HPF1: variants seen among roughly 807,000 people sequenced by gnomAD.
HPF1 encodes UPF0609 protein C4orf27.
Under a neutral mutation model 38.8 loss-of-function variants are expected in HPF1, and 35 were observed. The ratio of observed to expected loss-of-function variants is 0.90; its 90% CI spans 0.69 to 1.19. The LOEUF is 1.19. Among genes scored for constraint, HPF1 ranks in the 50% most tolerant of loss-of-function variants. The probability of loss-of-function intolerance (pLI) is 0.00; values close to 1 mark genes in which losing one functional copy is unlikely to be tolerated. For synonymous variants in HPF1, 115 were observed against 139.2 expected (o/e 0.83, Z 1.22); for missense variants, 367 against 405.8 (o/e 0.90, Z 0.82).
intron 1 of HPF1, among the ~76,000 whole-genome samples, chr4:169,754,553 T>G (rs948550734): frequency 1.3e-5 from 2 of 152,174 alleles, no homozygotes; most frequent in African/African-American, 4.8e-5. Context: ...TACTAGATAT[T>G]TGATAAATTT....
At chr4:169,732,341 A>G (rs1209743161) in intron 6 of HPF1, among the ~76,000 whole-genome samples, 1 of 151,978 alleles carries the variant, frequency 6.6e-6, no homozygotes, top group East Asian at 1.9e-4. Context: ...GGATTTCACC[A>G]TGTTGGCCAG....
At chr4:169,732,133 C>T in intron 6 of HPF1, 1 of 273,888 alleles carries the variant, frequency 3.7e-6, no homozygotes, top group Non-Finnish European at 6.5e-6. Context: ...TAGTTACAGT[C>T]ACGATTTTTT....
chr4:169,746,686 A>G (rs1214944123), intron 4 of HPF1, among the ~76,000 whole-genome samples: 3 of 152,078 alleles, frequency 2.0e-5, no homozygotes, highest in Non-Finnish European at 4.4e-5. Flanking sequence ...TAAAATATAT[A>G]AAGAAATTAA....
At chr4:169,740,906 ACT>A (rs1733961194) in intron 5 of HPF1, among the ~76,000 whole-genome samples, 1 of 152,246 alleles carries the variant, frequency 6.6e-6, no homozygotes, top group Non-Finnish European at 1.5e-5. Context: ...GGATGCTCAG[ACT>A]TTAGTCAAAA....
At chr4:169,747,003 A>AC (rs1297867633) in intron 4 of HPF1, among the ~76,000 whole-genome samples, 5 of 150,756 alleles carry the variant, frequency 3.3e-5, no homozygotes, top group Admixed American at 1.3e-4. Flanking sequence ...AAAAAAAAAA[A>AC]AAAACATGAC....
chr4:169,745,704 T>C (rs918338045), intron 4 of HPF1, among the ~76,000 whole-genome samples: 12 of 152,210 alleles, frequency 7.9e-5, no homozygotes, highest in African/African-American at 2.9e-4. Flanking sequence ...GGTCTTGCTA[T>C]GTCGTTTAGG....
In HPF1 at chr4:169,729,523, C is replaced by A; in HGVS notation, c.*55G>T. 1 of 1,306,300 alleles carries A rather than the reference C, an allele frequency of 7.7e-7. No homozygotes were observed. Among genetic ancestry groups the A allele is most frequent in the Non-Finnish European group, 9.9e-7 (1 of 1,005,104 alleles). 80.9% of individuals were successfully genotyped at this position (1,306,300 alleles called of 1,614,324 possible). A position where few individuals can be genotyped will look rare whatever the true frequency, so the allele number is the denominator to read the frequency against. Reference sequence around the variant, plus strand: ...TATTCCTTAAAAACAAAACAAAAATCACAAGTTTAATACTAGTCCTTTGAA... The same window carrying A: ...TATTCCTTAAAAACAAAACAAAAATAACAAGTTTAATACTAGTCCTTTGAA... On this transcript the variant is annotated 3_prime_UTR_variant, in exon 8 of 8. Transcript: ENST00000393381.
intron 7 of HPF1, among the ~76,000 whole-genome samples, chr4:169,731,373 C>T (rs912127662): frequency 6.6e-6 from 1 of 152,160 alleles, no homozygotes; most frequent in Non-Finnish European, 1.5e-5. Context: ...TAGCCCCAAA[C>T]GTACACACAC....
chr4:169,737,627 A>G (rs771685731), intron 6 of HPF1, 33 bp downstream of exon 6: 28 of 1,269,524 alleles, frequency 2.2e-5, no homozygotes, highest in South Asian at 3.6e-5. Flanking sequence ...GTGCATTAAC[A>G]TATATGCACA....
intron 2 of HPF1, among the ~76,000 whole-genome samples, chr4:169,752,878 C>T (rs1199172931): frequency 6.6e-6 from 1 of 152,144 alleles, no homozygotes; most frequent in Non-Finnish European, 1.5e-5. Flanking sequence ...CACATTCCCC[C>T]AGAATGTGAT....
intron 3 of HPF1, 137 bp from the exon 4 acceptor site, chr4:169,748,979 C>T (rs1734084538): frequency 2.0e-6 from 1 of 498,564 alleles, no homozygotes; most frequent in East Asian, 3.6e-5. Context: ...TTTAATCATA[C>T]CAGAATTTAT....
At chr4:169,749,720 C>CAAAAAAAAAAAAAA (rs11413826) in intron 3 of HPF1, among the ~76,000 whole-genome samples, 1 of 127,294 alleles carries the variant, frequency 7.9e-6, no homozygotes, top group African/African-American at 3.0e-5. Context: ...TACTCAAATA[C>CAAAAAAAAAAAAAA]AAAAAAAAAA....
In HPF1 at chr4:169,735,273, G is replaced by C. The variant is rs144458015; in HGVS notation, c.736+2387C>G. Among the ~76,000 whole-genome samples, 108 of 152,258 alleles carry C rather than the reference G, an allele frequency of 7.1e-4. 1 individual carries two copies. In the East Asian group the frequency reaches 0.018, roughly 25 times the overall value. ...TGGGTGAGAATTAAATACATCACTT[G>C]TTAAAGTGAATCATGACACTGACAT... On this transcript the variant is annotated intron_variant, in intron 6 of 7. Transcript: ENST00000393381.
chr4:169,753,006 AAC>A (rs1276434991), intron 2 of HPF1, among the ~76,000 whole-genome samples: 7 of 149,762 alleles, frequency 4.7e-5, no homozygotes, highest in African/African-American at 1.5e-4. Flanking sequence ...GTTTTCTATG[AAC>A]AGTTTATATC....
At chr4:169,740,108 T>A (rs1170738071) in intron 5 of HPF1, among the ~76,000 whole-genome samples, 2 of 152,002 alleles carry the variant, frequency 1.3e-5, no homozygotes, top group African/African-American at 4.8e-5. Context: ...GTGGATGGAG[T>A]GCCACACCAT....
At chr4:169,747,284 T>C (rs142537282) in intron 4 of HPF1, among the ~76,000 whole-genome samples, 3 of 151,754 alleles carry the variant, frequency 2.0e-5, no homozygotes, top group Admixed American at 6.6e-5. Context: ...TTAAAAGAAG[T>C]TATAAATTAC....
intron 1 of HPF1, 150 bp downstream of exon 1, chr4:169,757,680 C>G: frequency 1.3e-6 from 1 of 757,244 alleles, no homozygotes; most frequent in Non-Finnish European, 2.2e-6. Flanking sequence ...CGCGAAACAG[C>G]GGCCCTGGGC....
At chr4:169,752,168 CTTT>C (rs35247508) in intron 2 of HPF1, among the ~76,000 whole-genome samples, 1 of 107,194 alleles carries the variant, frequency 9.3e-6, no homozygotes, top group South Asian at 3.1e-4. Context: ...ACAGGCATGA[CTTT>C]TTTTTTTTTT....
chr4:169,751,946 T>C (rs1449807868), intron 2 of HPF1, among the ~76,000 whole-genome samples: 4 of 152,182 alleles, frequency 2.6e-5, no homozygotes, highest in African/African-American at 9.7e-5. Context: ...TTGTTTTGTA[T>C]TGTAATCTGC....
Sources: allele counts gnomAD v4.1 joint callset (sites outside exome capture counted in the v4.1 genomes callset), GRCh38; gene constraint gnomAD v4.1.1; transcripts MANE v1.5; gene names NCBI Gene and HGNC (gene_info 2026-07-23, HGNC 2026-07-21).